Variants in JAKMIP3 observed in about 807,000 individuals in gnomAD.
The protein encoded by JAKMIP3 is janus kinase and microtubule-interacting protein 3.
JAKMIP3 carries 58 observed loss-of-function variants against 118.5 expected under a neutral mutation model. The observed-to-expected ratio is 0.49, with a 90% CI of 0.40 to 0.61. JAKMIP3 has a LOEUF of 0.61. Ranked by LOEUF, JAKMIP3 falls within the 20% of genes least tolerant of loss-of-function variation. The probability of loss-of-function intolerance (pLI) is 0.00; values close to 1 mark genes in which losing one functional copy is unlikely to be tolerated. For missense variants in JAKMIP3, 950 were observed against 1,109.0 expected (o/e 0.86, Z 2.04); for synonymous variants, 486 against 451.2 (o/e 1.08, Z -0.98).
At chr10:132,176,672 G>A (rs56152946) in intron 23 of JAKMIP3, among the ~76,000 whole-genome samples, 25,178 of 152,012 alleles carry the variant, frequency 0.17, 2,269 homozygotes, top group African/African-American at 0.21. Flanking sequence ...CTTTGTTAAC[G>A]GGCATTTTTT....
intron 1 of JAKMIP3, among the ~76,000 whole-genome samples, chr10:132,092,256 C>G (rs1356557400): frequency 6.6e-6 from 1 of 152,078 alleles, no homozygotes; most frequent in Non-Finnish European, 1.5e-5. Context: ...TGGAGTTGCT[C>G]TTCTTGAGGA....
In JAKMIP3 at chr10:132,140,545, A is replaced by G. The variant is rs1468927798; in HGVS notation, c.1439A>G (p.Gln480Arg). 1 of 1,612,394 alleles carries G rather than the reference A, an allele frequency of 6.2e-7. No homozygotes were observed. The highest frequency in any genetic ancestry group is 8.5e-7 in the Non-Finnish European group (1 of 1,179,502). ...SVSYQTDRTD[Q>R]TPCTPDDDLE... ...TCTTACCAAACAGACAGGACGGACC[A>G]GACCCCGTGCACCCCGGACGATGAC... The change falls in exon 10 of 24, where the codon CAG (glutamine) becomes CGG (arginine). Residue 480 changes from glutamine (Q) to arginine (R), a missense_variant. Physicochemically the swap from Gln to Arg is conservative, Grantham distance 43. Coordinates refer to ENST00000684848, the MANE Select transcript of JAKMIP3 (RefSeq NM_001323087.2).
rs869253 is a variant in JAKMIP3, at chr10:132,156,394, C to T, written c.2220+2404C>T. ...GAGCACCAAGGCCCATGTTGCTGCC[C>T]GGGTGGAGAGGGCTGGGATCCAGCT... On this transcript the variant is annotated intron_variant, in intron 19 of 23. Transcript: ENST00000684848. Among the ~76,000 whole-genome samples the T allele has an allele frequency of 2.5e-4, 38 of 152,282 alleles. 1 individual carries two copies. Among genetic ancestry groups the T allele is most frequent in the Admixed American group, 2.0e-3 (31 of 15,296 alleles).
chr10:132,181,058 ATT>A (rs1235042551), intron 23 of JAKMIP3, among the ~76,000 whole-genome samples: 3 of 151,568 alleles, frequency 2.0e-5, no homozygotes, highest in African/African-American at 4.8e-5. Flanking sequence ...TGTATTGTGC[ATT>A]GTGTGTACGT....
At chr10:132,043,998 C>T (rs1033050517) in intron 1 of JAKMIP3, among the ~76,000 whole-genome samples, 3 of 151,972 alleles carry the variant, frequency 2.0e-5, no homozygotes, top group Admixed American at 1.3e-4. Context: ...TCCCAAAATC[C>T]ATCCAAAGAG....
chr10:132,115,303 A>T (rs1564915217), intron 2 of JAKMIP3, among the ~76,000 whole-genome samples: 1 of 150,698 alleles, frequency 6.6e-6, no homozygotes, highest in African/African-American at 2.5e-5. Context: ...CGGGGCACTG[A>T]TCATGGTTGG....
chr10:132,133,366 G>A lies in JAKMIP3; in HGVS notation c.688G>A (p.Gly230Arg). ...AGTCTTCGTGCTGGAGAGAGAGTTA[G>A]GGGTTCAAGCCGGGCATGCTCAGAG... Reference protein sequence around the residue: ...RAVFVLERELGVQAGHAQRLQ... With the variant: ...RAVFVLERELRVQAGHAQRLQ... Residue 230 changes from glycine to arginine, a missense_variant, in exon 4 of 24, where the codon GGG becomes AGG. Gly to Arg is a moderately radical substitution (Grantham distance 125). Coordinates refer to ENST00000684848, the MANE Select transcript of JAKMIP3 (RefSeq NM_001323087.2). The A allele has an allele frequency of 3.1e-6, 5 of 1,603,014 alleles. No homozygotes were observed. The East Asian group carries it at 6.8e-5, about 22-fold the overall frequency.
At chr10:132,157,376 G>A (rs567060276) in intron 19 of JAKMIP3, among the ~76,000 whole-genome samples, 2 of 152,214 alleles carry the variant, frequency 1.3e-5, no homozygotes, top group African/African-American at 4.8e-5. Context: ...ATCATGGACT[G>A]TTCATCCCCA....
upstream of JAKMIP3, among the ~76,000 whole-genome samples, chr10:132,063,655 G>C (rs930541431): frequency 6.6e-6 from 1 of 152,222 alleles, no homozygotes; most frequent in Non-Finnish European, 1.5e-5. Flanking sequence ...CTGGGCTCCG[G>C]GAGAGAACGG....
chr10:132,056,966 G>A (rs911327620), intron 1 of JAKMIP3, among the ~76,000 whole-genome samples: 8 of 152,140 alleles, frequency 5.3e-5, no homozygotes, highest in African/African-American at 1.9e-4. Context: ...CTGGGGTCCG[G>A]ATTCTACCCT....
chr10:132,036,379 G>T (rs1391485819), upstream of JAKMIP3, among the ~76,000 whole-genome samples: 1 of 152,256 alleles, frequency 6.6e-6, no homozygotes, highest in Non-Finnish European at 1.5e-5. Context: ...CCCGTGCTGC[G>T]CATGGCGCTG....
In JAKMIP3 at chr10:132,163,386, A is replaced by G. The variant is rs2058565419; in HGVS notation, c.2398A>G (p.Met800Val). The G allele has an allele frequency of 6.2e-7, 1 of 1,604,398 alleles. No individual in the cohort carries two copies. Residue 800 changes from methionine (M) to valine (V), a missense_variant, in exon 20 of 24, where the codon ATG becomes GTG. By Grantham distance (21) the Met-to-Val change is conservative. Transcript: ENST00000684848. ...ERDAQILRER[M>V]ELLQLAQQRI... ...GGACGCCCAGATCCTGCGGGAGCGCATGGAGCTGCTGCAGCTGGCTCAGCA... is the reference window on the plus strand; with the variant it reads ...GGACGCCCAGATCCTGCGGGAGCGCGTGGAGCTGCTGCAGCTGGCTCAGCA...
At chr10:132,045,683 C>T (rs975265210) in intron 1 of JAKMIP3, among the ~76,000 whole-genome samples, 2 of 152,144 alleles carry the variant, frequency 1.3e-5, no homozygotes, top group African/African-American at 4.8e-5. Context: ...AATCCCAGCA[C>T]TTTGGGAGAC....
chr10:132,179,711 ACACCACGGCAGGGTCG>A lies in JAKMIP3; in HGVS notation c.*1104-2639_*1104-2624del, dbSNP rs1377172598. Reference sequence around the variant, plus strand: ...CACACAGTCACACCACAGCAGGGCCACACCACGGCAGGGTCGCACCACAGCAGGGTCACGCCACGGC... The same window carrying A: ...CACACAGTCACACCACAGCAGGGCCACACCACAGCAGGGTCACGCCACGGC... On this transcript the variant is annotated intron_variant, in intron 23 of 23. Coordinates refer to ENST00000684848, the MANE Select transcript of JAKMIP3 (RefSeq NM_001323087.2). The surrounding 1 kb of genome is among the most constrained non-coding windows in gnomAD (Gnocchi z 4.3). Among the ~76,000 whole-genome samples, 709 of 151,998 alleles carry A rather than the reference ACACCACGGCAGGGTCG, an allele frequency of 4.7e-3. 3 individuals carry two copies. The highest frequency in any genetic ancestry group is 0.016 in the African/African-American group (660 of 41,446).
intron 22 of JAKMIP3, among the ~76,000 whole-genome samples, chr10:132,167,673 C>A (rs1007577079): frequency 1.3e-5 from 2 of 152,154 alleles, no homozygotes; most frequent in Non-Finnish European, 2.9e-5. Context: ...CACCCTTCAG[C>A]AGGTCCCGAG....
chr10:132,149,569 C>CCG, intron 15 of JAKMIP3, 59 bp downstream of exon 15: 1 of 635,274 alleles, frequency 1.6e-6, no homozygotes. Flanking sequence ...CGCCCCACCC[C>CCG]CTCTCCGCCC....
chr10:132,115,012 G>A (rs201056253), intron 2 of JAKMIP3, among the ~76,000 whole-genome samples: 2 of 152,320 alleles, frequency 1.3e-5, no homozygotes, highest in South Asian at 2.1e-4. Flanking sequence ...TCCAGGATAT[G>A]GGAAAAGCAT....
At chr10:132,166,777 C>A (rs114992256) in intron 21 of JAKMIP3, among the ~76,000 whole-genome samples, 2,843 of 152,236 alleles carry the variant, frequency 0.019, 86 homozygotes, top group African/African-American at 0.064. Context: ...GTCCCCAGTG[C>A]GTTCCTAGGG....
rs183796994 is a variant in JAKMIP3, at chr10:132,092,504, C to T, written c.-137-12168C>T. On this transcript the variant is annotated intron_variant, in intron 1 of 23. Coordinates refer to ENST00000684848, the MANE Select transcript of JAKMIP3 (RefSeq NM_001323087.2). The stretch of plus-strand genomic sequence containing the variant: ...TTTCTCTAAACTTCTCTTCTTGCTT[C>T]ATTTCATTCATTTGGTCTTCAATCA... Among the ~76,000 whole-genome samples the T allele has an allele frequency of 3.7e-3, 570 of 152,328 alleles. 2 individuals are homozygous for T. Among genetic ancestry groups the T allele is most frequent in the African/African-American group, 0.013 (522 of 41,576 alleles).
Sources: allele counts gnomAD v4.1 joint callset (sites outside exome capture counted in the v4.1 genomes callset), GRCh38; gene constraint gnomAD v4.1.1; non-coding constraint Gnocchi (gnomAD v3.1); transcripts MANE v1.5; gene names NCBI Gene and HGNC (gene_info 2026-07-23, HGNC 2026-07-21).